The following DPYSL4 variants were observed in gnomAD, a reference collection of about 807,000 sequenced individuals.
DPYSL4 encodes the protein dihydropyrimidinase like 4.
A neutral mutation model predicts 63.4 loss-of-function variants in DPYSL4; 43 were observed. That is an observed-to-expected ratio of 0.68 (90% CI 0.53 to 0.88). The LOEUF is 0.88. Among genes scored for constraint, DPYSL4 ranks in the 40% least tolerant of loss-of-function variants. DPYSL4 has a pLI of 0.00. For missense variants in DPYSL4, 733 were observed against 819.5 expected, an observed-to-expected ratio of 0.89 and a Z score of 1.29; for synonymous variants, 353 against 331.7, an observed-to-expected ratio of 1.06 and a Z score of -0.70.
At chr10:132,194,542 G>C (rs557238251) in intron 3 of DPYSL4, among the ~76,000 whole-genome samples, 1 of 152,360 alleles carries the variant, frequency 6.6e-6, no homozygotes, top group South Asian at 2.1e-4. Flanking sequence ...CCGACCTCCT[G>C]TGCTCCTCCA....
chr10:132,192,610 G>C (rs1482154785), intron 2 of DPYSL4, 48 bp from the exon 3 acceptor site: 2 of 1,543,558 alleles, frequency 1.3e-6, no homozygotes, highest in South Asian at 2.5e-5. Flanking sequence ...GCCCATCTGG[G>C]CTCTGACCTG....
rs2061802307 is a variant in DPYSL4 at position 132,187,026 on chromosome 10, C to CCCCGCTTGTGCCGCCCCT, written c.-38_-37insCCCGCTTGTGCCGCCCCT. 2 of 548,642 alleles carry CCCCGCTTGTGCCGCCCCT rather than the reference C, an allele frequency of 3.6e-6. No individual in the cohort carries two copies. The highest frequency in any genetic ancestry group is 4.9e-5 in the African/African-American group (2 of 41,230). The allele number at this position is 548,642 out of a possible 1,614,324, so 34.0% of individuals were successfully genotyped here. A position where few individuals can be genotyped will look rare whatever the true frequency, so the allele number is the denominator to read the frequency against. On this transcript the variant is annotated 5_prime_UTR_variant, in exon 1 of 14. Transcript: ENST00000338492. ...GCCCGCCCGCCCGCCCGCCCGCCCC[C>CCCCGCTTGTGCCGCCCCT]GCTTGTGCCGCCCCTACCAGAGACC...
chr10:132,193,488 C>T (rs1363380343), intron 3 of DPYSL4, among the ~76,000 whole-genome samples: 1 of 152,252 alleles, frequency 6.6e-6, no homozygotes, highest in African/African-American at 2.4e-5. Flanking sequence ...TGGAGTCCGC[C>T]TGCCCACCAC....
chr10:132,200,183 C>T (rs771942631), intron 8 of DPYSL4, among the ~76,000 whole-genome samples, 173 bp from the exon 9 acceptor site: 11 of 152,202 alleles, frequency 7.2e-5, no homozygotes, highest in Non-Finnish European at 1.0e-4. Flanking sequence ...CGTCTGCCCG[C>T]GACCCAGGCC....
At position 132,198,420 on chromosome 10, in the gene DPYSL4, G is replaced by A. The variant is rs765938368; in HGVS notation, c.627G>A (p.Gln209=). The change falls in exon 7 of 14, where the codon CAG becomes CAA. Residue 209 remains glutamine, a synonymous_variant. Transcript: ENST00000338492. The part of the protein sequence containing the change: ...AENGDIVEEE[Q]KRLLELGITG... Reference sequence around the variant, plus strand: ...CATCCTGTTGGTTTCTTTAGGAGCAGAAGCGGTTGCTGGAGCTCGGCATCA... The same window carrying A: ...CATCCTGTTGGTTTCTTTAGGAGCAAAAGCGGTTGCTGGAGCTCGGCATCA... The A allele has an allele frequency of 6.2e-7, 1 of 1,606,168 alleles. No individual in the cohort carries two copies.
intron 4 of DPYSL4, 108 bp from the exon 5 acceptor site, chr10:132,196,753 G>A (rs549608252): frequency 4.8e-5 from 61 of 1,273,856 alleles, no homozygotes; most frequent in African/African-American, 1.9e-4. Flanking sequence ...GAAGCACTGC[G>A]GGGGAGGGGC....
intron 2 of DPYSL4, 50 bp downstream of exon 2, chr10:132,190,885 C>T: frequency 6.4e-7 from 1 of 1,572,346 alleles, no homozygotes; most frequent in South Asian, 1.1e-5. Flanking sequence ...TGTGTACACG[C>T]TGGTCACGTG....
chr10:132,200,488 A>G lies in DPYSL4; in HGVS notation c.944A>G (p.Asp315Gly), dbSNP rs1467273741. The G allele has an allele frequency of 6.2e-7, 1 of 1,613,020 alleles. No individual in the cohort carries two copies. The highest frequency in any genetic ancestry group is 1.1e-5 in the South Asian group (1 of 91,074). ...PPVNPDPTTA[D>G]HLTCLLSSGD... ...GTCAACCCAGACCCCACCACGGCGGACCACCTCACCTGCTTGCTGTCCAGG... is the reference window on the plus strand; with the variant it reads ...GTCAACCCAGACCCCACCACGGCGGGCCACCTCACCTGCTTGCTGTCCAGG... The change falls in exon 9 of 14, where the codon GAC (aspartate) becomes GGC (glycine). Residue 315 changes from aspartate (D) to glycine (G), a missense_variant. Asp to Gly is a moderately conservative substitution (Grantham distance 94, BLOSUM62 -1). Coordinates refer to ENST00000338492, the MANE Select transcript of DPYSL4 (RefSeq NM_006426.3).
intron 4 of DPYSL4, 90 bp downstream of exon 4, chr10:132,195,099 C>A: frequency 1.4e-6 from 2 of 1,437,780 alleles, no homozygotes; most frequent in Non-Finnish European, 1.9e-6. Flanking sequence ...TGGTGCTGCT[C>A]TGCCCTGGGG....
At chr10:132,191,120 C>T (rs1317583091) in intron 2 of DPYSL4, among the ~76,000 whole-genome samples, 1 of 113,784 alleles carries the variant, frequency 8.8e-6, no homozygotes, top group African/African-American at 3.0e-5. Flanking sequence ...ACGTGGTATC[C>T]AGGCAGTTGA....
At chr10:132,199,569 C>T (rs1049507173) in intron 8 of DPYSL4, among the ~76,000 whole-genome samples, 7 of 151,982 alleles carry the variant, frequency 4.6e-5, no homozygotes, top group African/African-American at 1.5e-4. Flanking sequence ...GAGGGGGCAT[C>T]CCCTAGGCGG....
intron 13 of DPYSL4, among the ~76,000 whole-genome samples, 187 bp downstream of exon 13, chr10:132,204,114 T>C (rs2062061521): frequency 6.6e-6 from 1 of 152,260 alleles, no homozygotes; most frequent in Non-Finnish European, 1.5e-5. Flanking sequence ...GGGAGGCCCC[T>C]CCTGCCCGCT....
At position 132,192,648 on chromosome 10, in the gene DPYSL4, C is replaced by T. The variant is rs921997101; in HGVS notation, c.129-10C>T. The T allele has an allele frequency of 1.6e-5, 25 of 1,592,530 alleles. No individual in the cohort carries two copies. The African/African-American group carries it at 1.6e-4, about 10-fold the overall frequency. ...CTCCCTGTAACCAGTGAAATCTCTG[C>T]TGCTTTCAGACAAATCGGAGAAAAC... On this transcript the variant is annotated splice_polypyrimidine_tract_variant and intron_variant, in intron 2 of 13. Coordinates refer to ENST00000338492, the MANE Select transcript of DPYSL4 (RefSeq NM_006426.3).
At chr10:132,199,392 A>C (rs1485575812) in intron 8 of DPYSL4, among the ~76,000 whole-genome samples, 2 of 151,966 alleles carry the variant, frequency 1.3e-5, no homozygotes, top group African/African-American at 2.4e-5. Context: ...CACTGCAGAG[A>C]GCCTCAGGCC....
At chr10:132,196,978 G>A (rs773337371) in intron 5 of DPYSL4, 43 bp from the exon 6 acceptor site, 4 of 1,613,210 alleles carry the variant, frequency 2.5e-6, no homozygotes, top group Middle Eastern at 1.7e-4. Context: ...CGCTGCTGGT[G>A]CAGGCGCAGC....
intron 8 of DPYSL4, among the ~76,000 whole-genome samples, chr10:132,200,012 C>T (rs575899861): frequency 1.8e-4 from 27 of 152,298 alleles, no homozygotes; most frequent in South Asian, 6.2e-4. Context: ...AGGGCACCCC[C>T]GGCCAGTCAG....
At chr10:132,194,532 C>A (rs1038958999) in intron 3 of DPYSL4, among the ~76,000 whole-genome samples, 1 of 152,210 alleles carries the variant, frequency 6.6e-6, no homozygotes, top group African/African-American at 2.4e-5. Flanking sequence ...GGGCAAAGCC[C>A]CGACCTCCTG....
At chr10:132,204,044 G>A (rs548687109) in intron 13 of DPYSL4, 117 bp downstream of exon 13, 1 of 1,340,472 alleles carries the variant, frequency 7.5e-7, no homozygotes, top group Non-Finnish European at 1.0e-6. Context: ...CACCCAGCTG[G>A]GGACTGGGGC....
chr10:132,188,680 T>G (rs951043201), intron 1 of DPYSL4, among the ~76,000 whole-genome samples: 6 of 152,238 alleles, frequency 3.9e-5, no homozygotes, highest in Admixed American at 1.3e-4. Flanking sequence ...GACCACGCTG[T>G]TCCTGTCTCA....
Sources: allele counts gnomAD v4.1 joint callset (sites outside exome capture counted in the v4.1 genomes callset), GRCh38; gene constraint gnomAD v4.1.1; transcripts MANE v1.5; gene names NCBI Gene and HGNC (gene_info 2026-07-23, HGNC 2026-07-21).